Variants in STARD10 observed in about 807,000 individuals in gnomAD.
STARD10 encodes the protein START domain-containing protein 10.
Under a neutral mutation model 36.0 loss-of-function variants are expected in STARD10, and 24 were observed. The ratio of observed to expected loss-of-function variants is 0.67; its 90% CI spans 0.48 to 0.94. The LOEUF (loss-of-function observed/expected upper bound fraction) is 0.94, where lower values mean the gene tolerates loss of function less well. STARD10 is among the 40% of genes least tolerant of loss of function. The pLI is 0.00. For synonymous variants in STARD10, 156 were observed against 161.9 expected, an observed-to-expected ratio of 0.96 and a Z score of 0.28; for missense variants, 335 against 396.6, an observed-to-expected ratio of 0.84 and a Z score of 1.32.
At chr11:72,780,238 C>A (rs573346562) in intron 2 of STARD10, 3 of 410,250 alleles carry the variant, frequency 7.3e-6, no homozygotes, top group African/African-American at 4.1e-5. Context: ...GCCTGCCCTG[C>A]ACGGCAAAGA....
At chr11:72,787,528 G>A (rs1284508653) in intron 1 of STARD10, among the ~76,000 whole-genome samples, 1 of 152,240 alleles carries the variant, frequency 6.6e-6, no homozygotes, top group Non-Finnish European at 1.5e-5. Context: ...TTCTCCTTCC[G>A]GAGGGTTCCC....
intron 1 of STARD10, among the ~76,000 whole-genome samples, chr11:72,789,309 C>T (rs1009928043): frequency 6.6e-6 from 1 of 152,212 alleles, no homozygotes. Flanking sequence ...AGCTTCCTTC[C>T]GCCAGGTCTG....
chr11:72,789,821 T>G (rs1382560307), intron 1 of STARD10, among the ~76,000 whole-genome samples: 2 of 152,172 alleles, frequency 1.3e-5, no homozygotes, highest in African/African-American at 4.8e-5. Context: ...TGGGGACTCC[T>G]GCCAACCACT....
At chr11:72,788,622 G>A (rs1859104100) in intron 1 of STARD10, among the ~76,000 whole-genome samples, 1 of 151,142 alleles carries the variant, frequency 6.6e-6, no homozygotes, top group South Asian at 2.1e-4. Flanking sequence ...AGGCTGGAGT[G>A]CAGTAGCACG....
chr11:72,757,556 T>C (rs1858660870), intron 5 of STARD10, among the ~76,000 whole-genome samples: 1 of 152,208 alleles, frequency 6.6e-6, no homozygotes, highest in Non-Finnish European at 1.5e-5. Flanking sequence ...TGCTCCCAGC[T>C]TCATCAGTGG....
At position 72,755,753 on chromosome 11, in the gene STARD10, C is replaced by T. The variant is rs370159113; in HGVS notation, c.578G>A (p.Gly193Asp). The change falls in exon 6 of 7, where the codon GGC (glycine) becomes GAC (aspartate). Residue 193 changes from glycine to aspartate, a missense_variant and splice_region_variant. Transcript: ENST00000334805. ...ITYLAQVDPKGSLPKWVVNKS... is the reference protein window; with the variant it reads ...ITYLAQVDPKDSLPKWVVNKS... ...ATTCACCACCCACTTGGGTAAGGAG[C>T]CTGTGAGGGCAGGGAAGGGAGGAAG... 8 of 1,611,712 alleles carry T rather than the reference C, an allele frequency of 5.0e-6. No homozygotes were observed. The highest frequency in any genetic ancestry group is 1.1e-5 in the South Asian group (1 of 90,850).
chr11:72,779,578 G>T (rs1203849333), intron 2 of STARD10, among the ~76,000 whole-genome samples: 1 of 151,682 alleles, frequency 6.6e-6, no homozygotes, highest in East Asian at 1.9e-4. Context: ...ACAGAGTGAG[G>T]CTTCTCAAAA....
In STARD10 at chr11:72,775,009, G is replaced by C. The variant is rs942133742; in HGVS notation, c.207+5966C>G. On this transcript the variant is annotated intron_variant, in intron 2 of 6. Transcript: ENST00000334805. ...TGTGGAGGGCACAGAGCCAGCCTGG[G>C]GGCTGAGGGCTTCTCTAGTCCCAGC... 2.0e-5 allele frequency among the ~76,000 whole-genome samples: 3 copies of C among 152,316 alleles called. No individual in the cohort carries two copies. In the East Asian group the frequency reaches 5.8e-4, roughly 29 times the overall value.
rs1021178370 is a variant in STARD10 at position 72,781,511 on chromosome 11, C to T, written c.-113-217G>A. On this transcript the variant is annotated intron_variant, in intron 1 of 6. Coordinates refer to ENST00000334805, the MANE Select transcript of STARD10 (RefSeq NM_006645.3). This position sits in a 1 kb window ranked among gnomAD's most constrained non-coding sequence, Gnocchi z 4.7. ...TATGGGACGCGGTGGCCGGCGGGCG[C>T]CCGTCGGGACCCAGGGACTGGCCGG... 9.2e-5 allele frequency among the ~76,000 whole-genome samples: 14 copies of T among 151,600 alleles called. No individual in the cohort carries two copies. The highest frequency in any genetic ancestry group is 2.1e-4 in the Non-Finnish European group (14 of 67,688).
intron 2 of STARD10, among the ~76,000 whole-genome samples, chr11:72,769,102 G>A (rs1189414633): frequency 6.6e-6 from 1 of 152,166 alleles, no homozygotes; most frequent in Admixed American, 6.5e-5. Context: ...GGGCTGGGGG[G>A]TGGAGGCATG....
chr11:72,785,483 C>G (rs1460044041), intron 1 of STARD10, among the ~76,000 whole-genome samples: 1 of 145,656 alleles, frequency 6.9e-6, no homozygotes, highest in Non-Finnish European at 1.5e-5. Context: ...ATCGCTTGAA[C>G]CTGGGAGGCG....
At chr11:72,756,512 A>G (rs1295280265) in intron 5 of STARD10, among the ~76,000 whole-genome samples, 2 of 152,150 alleles carry the variant, frequency 1.3e-5, no homozygotes, top group Admixed American at 1.3e-4. Context: ...AATGGACTAC[A>G]GAACAGGGAG....
intron 2 of STARD10, among the ~76,000 whole-genome samples, chr11:72,777,468 G>A (rs1487922336): frequency 2.0e-5 from 3 of 152,246 alleles, no homozygotes; most frequent in African/African-American, 4.8e-5. Context: ...TTGGTCTCCC[G>A]TTTCTCACAC....
intron 6 of STARD10, 191 bp from the exon 7 acceptor site, chr11:72,755,333 C>A (rs1160560250): frequency 9.7e-5 from 47 of 483,022 alleles, no homozygotes; most frequent in Non-Finnish European, 1.3e-4. Context: ...TTTTTTGAGA[C>A]GGAATCTCAC....
chr11:72,773,254 C>G (rs949332659), intron 2 of STARD10, among the ~76,000 whole-genome samples: 1 of 152,188 alleles, frequency 6.6e-6, no homozygotes, highest in Non-Finnish European at 1.5e-5. Flanking sequence ...AAGGGAAGAC[C>G]TTGAGACCCA....
intron 2 of STARD10, among the ~76,000 whole-genome samples, chr11:72,773,526 A>G (rs1858891495): frequency 6.6e-6 from 1 of 152,224 alleles, no homozygotes; most frequent in Non-Finnish European, 1.5e-5. Flanking sequence ...ACACAGAAAC[A>G]CACACAGAGT....
chr11:72,765,840 G>A (rs1289974142), intron 2 of STARD10, among the ~76,000 whole-genome samples: 1 of 126,838 alleles, frequency 7.9e-6, no homozygotes, highest in Non-Finnish European at 1.6e-5. Flanking sequence ...AATTAGCTGG[G>A]TGTCGTGGCG....
chr11:72,758,293 A>G (rs1200805833), intron 4 of STARD10, among the ~76,000 whole-genome samples: 1 of 152,152 alleles, frequency 6.6e-6, no homozygotes, highest in African/African-American at 2.4e-5. Flanking sequence ...AGCCCAACCA[A>G]TCGAAGTCAG....
At chr11:72,770,698 G>A (rs1167389877) in intron 2 of STARD10, among the ~76,000 whole-genome samples, 2 of 152,136 alleles carry the variant, frequency 1.3e-5, no homozygotes, top group Admixed American at 6.5e-5. Flanking sequence ...CAACTCTTTA[G>A]GTTCAAGGAA....
Sources: allele counts gnomAD v4.1 joint callset (sites outside exome capture counted in the v4.1 genomes callset), GRCh38; gene constraint gnomAD v4.1.1; non-coding constraint Gnocchi (gnomAD v3.1); transcripts MANE v1.5; gene names NCBI Gene and HGNC (gene_info 2026-07-23, HGNC 2026-07-21).